The following BRWD3 variants were observed in gnomAD, a reference collection of about 807,000 sequenced individuals.
BRWD3 encodes the protein bromodomain and WD repeat domain containing 3.
In BRWD3, 10 loss-of-function variants were observed where a neutral mutation model predicts 149.7. The observed-to-expected ratio is 0.07, with a 90% CI of 0.04 to 0.11. BRWD3 has a LOEUF of 0.11. Among genes scored for constraint, BRWD3 ranks in the 10% least tolerant of loss-of-function variants. The pLI is 1.00. For missense variants in BRWD3, 940 were observed against 1,373.2 expected, an observed-to-expected ratio of 0.68 and a Z score of 4.99; for synonymous variants, 504 against 456.7, an observed-to-expected ratio of 1.10 and a Z score of -1.32.
Position 80,682,085 on chromosome X carries a change from C to T in BRWD3, c.4407G>A (p.Gly1469=), listed in dbSNP as rs1356294243. ...LSSSGAPSPK[G]KQKQMKLQPK... ...GCTGCAACTTCATTTGTTTCTGCTT[C>T]CCTTTTGGACTAGAAGTAAAAATAT... The change falls in exon 39 of 41, where the codon GGG becomes GGA. Residue 1469 remains glycine, a synonymous_variant. Coordinates refer to ENST00000373275, the MANE Select transcript of BRWD3 (RefSeq NM_153252.5). 1 of 1,203,011 alleles carries T rather than the reference C, an allele frequency of 8.3e-7. No individual in the cohort carries two copies. Among genetic ancestry groups the T allele is most frequent in the Admixed American group, 2.2e-5 (1 of 45,647 alleles).
intron 8 of BRWD3, 99 bp downstream of exon 8, chrX:80,743,931 CTT>C: frequency 1.4e-6 from 1 of 701,710 alleles, no homozygotes; most frequent in East Asian, 3.5e-5. Context: ...GCATTTTTCT[CTT>C]GTTATTCTTT....
intron 16 of BRWD3, 42 bp from the exon 17 acceptor site, chrX:80,722,829 T>G: frequency 6.5e-6 from 7 of 1,071,525 alleles, no homozygotes; most frequent in Non-Finnish European, 6.5e-6. Context: ...CACAGGGAAT[T>G]TATAAGTAAA....
chrX:80,791,753 T>A, intron 6 of BRWD3, 101 bp downstream of exon 6: 4 of 606,726 alleles, frequency 6.6e-6, no homozygotes, highest in Middle Eastern at 3.3e-4. Flanking sequence ...ACAGTTTGTT[T>A]ATGCTTCCAA....
intron 22 of BRWD3, 75 bp from the exon 23 acceptor site, chrX:80,704,921 C>T: frequency 1.0e-6 from 1 of 999,498 alleles, no homozygotes; most frequent in Non-Finnish European, 1.4e-6. Flanking sequence ...AAAGATCATT[C>T]TGTAAGCAAA....
rs931613393 is a variant in BRWD3 at position 80,676,900 on chromosome X, C to A, written c.5118G>T (p.Gly1706=). The part of the protein sequence containing the change: ...SRGRGGGGTR[G]RGRGRGGRGA... ...CTCTTCCTCCTCTCCCTCTTCCCCTCCCCCTAGTGCCACCTCCACCTCTTC... is the reference window on the plus strand; with the variant it reads ...CTCTTCCTCCTCTCCCTCTTCCCCTACCCCTAGTGCCACCTCCACCTCTTC... Residue 1706 remains glycine (G), a synonymous_variant, in exon 41 of 41, where the codon GGG becomes GGT. Coordinates refer to ENST00000373275, the MANE Select transcript of BRWD3 (RefSeq NM_153252.5). 8 of 1,207,634 alleles carry A rather than the reference C, an allele frequency of 6.6e-6. No individual in the cohort carries two copies. Among genetic ancestry groups the A allele is most frequent in the Admixed American group, 6.5e-5 (3 of 45,846 alleles).
At chrX:80,690,155 T>G in intron 31 of BRWD3, 63 bp from the exon 32 acceptor site, 2 of 1,101,758 alleles carry the variant, frequency 1.8e-6, no homozygotes, top group Non-Finnish European at 2.5e-6. Context: ...TTTAGGAATA[T>G]ACAATATGGA....
At position 80,704,789 on chromosome X, in the gene BRWD3, G is replaced by T. The variant is rs2072838487; in HGVS notation, c.2610C>A (p.Pro870=). 1 of 1,209,118 alleles carries T rather than the reference G, an allele frequency of 8.3e-7. No homozygotes were observed. Among genetic ancestry groups the T allele is most frequent in the Non-Finnish European group, 1.1e-6 (1 of 894,480 alleles). The change falls in exon 23 of 41, where the codon CCC becomes CCA. Residue 870 remains proline, a synonymous_variant. Coordinates refer to ENST00000373275, the MANE Select transcript of BRWD3 (RefSeq NM_153252.5). The part of the protein sequence containing the change: ...WTADAGINLQ[P]PKRQTRQTTR... ...TTGTCTGTCTGGTTTGTCTTTTTGGGGGTTGTAAATTTATTCCAGCATCTG... is the reference window on the plus strand; with the variant it reads ...TTGTCTGTCTGGTTTGTCTTTTTGGTGGTTGTAAATTTATTCCAGCATCTG...
intron 4 of BRWD3, among the ~76,000 whole-genome samples, chrX:80,800,947 A>T (rs2074287912): frequency 9.0e-6 from 1 of 110,629 alleles, no homozygotes; most frequent in African/African-American, 3.3e-5. Flanking sequence ...TCTCTGGCTT[A>T]CACTGCCTCA....
intron 40 of BRWD3, among the ~76,000 whole-genome samples, chrX:80,677,825 G>C (rs1368348743): frequency 8.9e-6 from 1 of 111,786 alleles, no homozygotes; most frequent in Non-Finnish European, 1.9e-5. Flanking sequence ...ATTTCACACA[G>C]ACATGTTATA....
At chrX:80,737,800 A>C (rs920561738) in intron 8 of BRWD3, among the ~76,000 whole-genome samples, 1 of 112,539 alleles carries the variant, frequency 8.9e-6, no homozygotes, top group South Asian at 3.6e-4. Flanking sequence ...GTACCACCGC[A>C]CTCCAGCCTG....
chrX:80,791,875 A>T lies in BRWD3; in HGVS notation c.409T>A (p.Tyr137Asn), dbSNP rs764393508. 7 of 1,204,117 alleles carry T rather than the reference A, an allele frequency of 5.8e-6. No homozygotes were observed. The East Asian group carries it at 2.1e-4, about 36-fold the overall frequency. Residue 137 changes from tyrosine to asparagine, a missense_variant, in exon 6 of 41, where the codon TAT becomes AAT. By Grantham distance (143) the Tyr-to-Asn change is moderately radical. Coordinates refer to ENST00000373275, the MANE Select transcript of BRWD3 (RefSeq NM_153252.5). ...TCACCCACATTTGGAGGTTTCACATAATTTACAGGTAGTTCTGGAGGTCTG... is the reference window on the plus strand; with the variant it reads ...TCACCCACATTTGGAGGTTTCACATTATTTACAGGTAGTTCTGGAGGTCTG... The part of the protein sequence containing the change: ...RGRPPELPVN[Y>N]VKPPNVVNIT...
At chrX:80,764,602 C>T (rs759396382) in intron 6 of BRWD3, among the ~76,000 whole-genome samples, 109 of 110,294 alleles carry the variant, frequency 9.9e-4, no homozygotes, top group Non-Finnish European at 5.1e-4. Flanking sequence ...TGTGAGCCAC[C>T]GCGCCCAGCC....
chrX:80,785,295 T>C lies in BRWD3; in HGVS notation c.430+6559A>G, dbSNP rs181436167. On this transcript the variant is annotated intron_variant, in intron 6 of 40. Coordinates refer to ENST00000373275, the MANE Select transcript of BRWD3 (RefSeq NM_153252.5). ...CAAAACCAATTTGATTAGTCAAGCA[T>C]ACAGCTAATGAAATGGCATGACTGG... 5.3e-5 allele frequency among the ~76,000 whole-genome samples: 6 copies of C among 112,250 alleles called. No individual in the cohort carries two copies. The East Asian group carries it at 1.4e-3, about 26-fold the overall frequency.
At chrX:80,769,153 A>C (rs1043088875) in intron 6 of BRWD3, among the ~76,000 whole-genome samples, 40 of 111,263 alleles carry the variant, frequency 3.6e-4, no homozygotes, top group Non-Finnish European at 3.8e-5. Context: ...GCAGACTTTA[A>C]CACCCCACTG....
intron 8 of BRWD3, among the ~76,000 whole-genome samples, chrX:80,741,425 A>G (rs143565380): frequency 0.013 from 1,418 of 112,054 alleles, 33 homozygotes; most frequent in African/African-American, 0.044. Context: ...GTATATACCC[A>G]GTAATGGGAT....
At chrX:80,762,565 TG>T (rs772459773) in intron 6 of BRWD3, among the ~76,000 whole-genome samples, 87 of 104,854 alleles carry the variant, frequency 8.3e-4, no homozygotes, top group African/African-American at 2.8e-3. Context: ...GGGTATGTGT[TG>T]GGGGGGTGGG....
chrX:80,743,340 T>G (rs1160986030), intron 8 of BRWD3, among the ~76,000 whole-genome samples: 1 of 111,891 alleles, frequency 8.9e-6, no homozygotes, highest in Non-Finnish European at 1.9e-5. Context: ...TCATCAAGGA[T>G]ATTGGTCTAA....
At chrX:80,702,982 T>G (rs1345421457) in intron 24 of BRWD3, among the ~76,000 whole-genome samples, 1 of 111,826 alleles carries the variant, frequency 8.9e-6, no homozygotes, top group African/African-American at 3.2e-5. Flanking sequence ...TTTGATTAAT[T>G]TTTGACTGGC....
chrX:80,756,939 T>C (rs902295688), intron 6 of BRWD3, among the ~76,000 whole-genome samples: 1 of 112,046 alleles, frequency 8.9e-6, no homozygotes, highest in African/African-American at 3.2e-5. Context: ...TTTACTTTTA[T>C]TATAAGCATG....
Sources: gnomAD v4.1 joint callset for allele counts (sites outside exome capture counted in the v4.1 genomes callset) on GRCh38, gnomAD v4.1.1 for gene constraint, MANE v1.5 for transcripts, NCBI Gene and HGNC (gene_info 2026-07-23, HGNC 2026-07-21) for gene names.